SRPK3: variants seen among roughly 807,000 people sequenced by gnomAD.
The protein encoded by SRPK3 is SRSF protein kinase 3, also known as SFRS protein kinase 3.
SRPK3 carries 26 observed loss-of-function variants against 45.3 expected under a neutral mutation model. The ratio of observed to expected loss-of-function variants is 0.57; its 90% CI spans 0.42 to 0.80. SRPK3 has a LOEUF of 0.80. Ranked by LOEUF, SRPK3 falls within the 30% of genes least tolerant of loss-of-function variation. The probability of loss-of-function intolerance (pLI) is 0.00; values close to 1 mark genes in which losing one functional copy is unlikely to be tolerated. For missense variants in SRPK3, 536 were observed against 514.5 expected, an observed-to-expected ratio of 1.04 and a Z score of -0.40; for synonymous variants, 254 against 226.6, an observed-to-expected ratio of 1.12 and a Z score of -1.09.
rs375295074 is a variant in SRPK3 at position 153,784,972 on chromosome X, G to A, written c.1395G>A (p.Pro465=). 4.5e-5 allele frequency: 55 copies of A among 1,209,780 alleles called. No homozygotes were observed. Among genetic ancestry groups the A allele is most frequent in the Middle Eastern group, 2.3e-4 (1 of 4,373 alleles). ...CCACTGGTGACTACCTGTTCGAGCC[G>A]CATTCTGGAGAAGACTACAGTCGTG... The part of the protein sequence containing the change: ...ELATGDYLFE[P]HSGEDYSRDE... The change falls in exon 13 of 15, where the codon CCG becomes CCA. Residue 465 remains proline, a synonymous_variant. Transcript: ENST00000370101.
intron 5 of SRPK3, 52 bp downstream of exon 5, chrX:153,782,260 G>C (rs782261915): frequency 2.9e-6 from 3 of 1,036,428 alleles, no homozygotes; most frequent in East Asian, 6.1e-5. Context: ...GCCGGCAAAT[G>C]GGGGGGCCCT....
chrX:153,785,003 G>A lies in SRPK3; in HGVS notation c.1426G>A (p.Asp476Asn). Residue 476 changes from aspartate (D) to asparagine (N), a missense_variant and splice_region_variant, in exon 13 of 15, where the codon GAC becomes AAC. Transcript: ENST00000370101. ...HSGEDYSRDEDHIAHIVELLG... is the reference protein window; with the variant it reads ...HSGEDYSRDENHIAHIVELLG... ...TGGAGAAGACTACAGTCGTGATGAGGGTAAGGGGTGAGGGCTCTGGGCTCA... is the reference window on the plus strand; with the variant it reads ...TGGAGAAGACTACAGTCGTGATGAGAGTAAGGGGTGAGGGCTCTGGGCTCA... The A allele has an allele frequency of 8.3e-7, 1 of 1,211,305 alleles. No homozygotes were observed. The highest frequency in any genetic ancestry group is 1.8e-5 in the South Asian group (1 of 56,952).
Position 153,785,566 on chromosome X carries a change from A to C in SRPK3, c.*46A>C, listed in dbSNP as rs782114535. On this transcript the variant is annotated 3_prime_UTR_variant, in exon 15 of 15. Coordinates refer to ENST00000370101, the MANE Select transcript of SRPK3 (RefSeq NM_014370.4). ...CCAGCTCTCCGTGCCTTAAGGGAAA[A>C]GCGGGACAGCTCCCACCACCCTGCT... 1 of 1,171,726 alleles carries C rather than the reference A, an allele frequency of 8.5e-7. No homozygotes were observed. The highest frequency in any genetic ancestry group is 1.2e-6 in the Non-Finnish European group (1 of 868,370).
intron 3 of SRPK3, 21 bp from the exon 4 acceptor site, chrX:153,781,722 A>G (rs782027341): frequency 2.5e-6 from 3 of 1,210,054 alleles, no homozygotes; most frequent in East Asian, 5.9e-5. Flanking sequence ...GCCACAGCCT[A>G]CAAGGGTCTC....
intron 8 of SRPK3, 77 bp downstream of exon 8, chrX:153,783,328 G>A: frequency 1.4e-6 from 1 of 708,103 alleles, no homozygotes. Flanking sequence ...GAGCCACAGT[G>A]GCTCCACCCC....
Position 153,783,739 on chromosome X carries a change from C to G in SRPK3, c.775-13C>G, listed in dbSNP as rs2092066167. 2.5e-6 allele frequency: 3 copies of G among 1,210,359 alleles called. No homozygotes were observed. The highest frequency in any genetic ancestry group is 5.2e-4 in the Middle Eastern group (2 of 3,828). ...GGGCGACAGGAACCCTGGGGTGACC[C>G]TGGCTCTGACAGCAGACCGGTAAGC... is the stretch of plus-strand genomic sequence containing the variant. On this transcript the variant is annotated splice_polypyrimidine_tract_variant and intron_variant, in intron 8 of 14. Transcript: ENST00000370101.
At position 153,784,270 on chromosome X, in the gene SRPK3, G is replaced by A. The variant is rs371175317; in HGVS notation, c.1148-24G>A. ...GGCTGGCAGTAGTCGGACCACTTCA[G>A]TCTCCCTGCTCTGCCTTCCCCAGCA... On this transcript the variant is annotated intron_variant, in intron 10 of 14. Transcript: ENST00000370101. 4 of 1,211,206 alleles carry A rather than the reference G, an allele frequency of 3.3e-6. No homozygotes were observed. The Admixed American group carries it at 6.5e-5, about 20-fold the overall frequency.
chrX:153,784,177 A>C lies in SRPK3; in HGVS notation c.1111A>C (p.Asn371His). The change falls in exon 10 of 15, where the codon AAT (asparagine) becomes CAT (histidine). Residue 371 changes from asparagine (N) to histidine (H), a missense_variant. Transcript: ENST00000370101. ...CTGCTCCATCCTCTCCGGCTCGTCC[A>C]ATCAGCGAGAGACCGGGGGCCTCCT... ...ASCSILSGSSNQRETGGLLSP... is the reference protein window; with the variant it reads ...ASCSILSGSSHQRETGGLLSP... 1.7e-6 allele frequency: 2 copies of C among 1,210,879 alleles called. No individual in the cohort carries two copies. The highest frequency in any genetic ancestry group is 2.3e-4 in the Middle Eastern group (1 of 4,351).
rs1557066568 is a variant in SRPK3 at position 153,781,051 on chromosome X, G to A, written c.-36G>A. The A allele has an allele frequency of 2.9e-6, 3 of 1,034,605 alleles. No homozygotes were observed. The highest frequency in any genetic ancestry group is 5.2e-5 in the Admixed American group (1 of 19,315). 85.3% of individuals were successfully genotyped at this position (1,034,605 alleles called of 1,213,427 possible). On this transcript the variant is annotated 5_prime_UTR_variant, in exon 1 of 15. Coordinates refer to ENST00000370101, the MANE Select transcript of SRPK3 (RefSeq NM_014370.4). ...GCGGCCGGGCCCCACAGGAGCAGCC[G>A]CCCGGGGCACCGGAGCTGCGGGCTG...
Position 153,781,952 on chromosome X carries a change from G to C in SRPK3, c.387+122G>C, listed in dbSNP as rs782541458. The C allele has an allele frequency of 5.4e-5, 51 of 945,505 alleles. No homozygotes were observed. The African/African-American group carries it at 8.1e-4, about 15-fold the overall frequency. 77.9% of individuals were successfully genotyped at this position (945,505 alleles called of 1,213,427 possible). Reference sequence around the variant, plus strand: ...GGGGCTCCCTGAGGGGCAGCCTCCAGCTGGCTGTGCCCAAGGGGGAGGATC... The same window carrying C: ...GGGGCTCCCTGAGGGGCAGCCTCCACCTGGCTGTGCCCAAGGGGGAGGATC... On this transcript the variant is annotated intron_variant, in intron 4 of 14. Coordinates refer to ENST00000370101, the MANE Select transcript of SRPK3 (RefSeq NM_014370.4).
Position 153,781,103 on chromosome X carries a change from G to C in SRPK3, c.17G>C (p.Gly6Ala). 11 of 1,118,823 alleles carry C rather than the reference G, an allele frequency of 9.8e-6. No individual in the cohort carries two copies. Among genetic ancestry groups the C allele is most frequent in the Non-Finnish European group, 1.3e-5 (11 of 852,052 alleles). 92.2% of individuals were successfully genotyped at this position (1,118,823 alleles called of 1,213,427 possible). The change falls in exon 1 of 15, where the codon GGC becomes GCC. Residue 6 changes from glycine (G) to alanine (A), a missense_variant. Coordinates refer to ENST00000370101, the MANE Select transcript of SRPK3 (RefSeq NM_014370.4). Reference sequence around the variant, plus strand: ...GTGGCCGGGATGAGCGCCAGCACGGGCGGTGGTGGGGACAGCGGCGGCAGC... The same window carrying C: ...GTGGCCGGGATGAGCGCCAGCACGGCCGGTGGTGGGGACAGCGGCGGCAGC... MSAST[G>A]GGGDSGGSGG...
chrX:153,781,686 T>C, intron 3 of SRPK3, 57 bp from the exon 4 acceptor site: 3 of 1,203,976 alleles, frequency 2.5e-6, no homozygotes, highest in African/African-American at 3.5e-5. Context: ...GGGGCCACCC[T>C]GATCCCCGCC....
intron 11 of SRPK3, 90 bp downstream of exon 11, chrX:153,784,484 C>T: frequency 3.0e-6 from 3 of 1,015,446 alleles, no homozygotes; most frequent in Non-Finnish European, 2.7e-6. Context: ...CCCCAGTCTG[C>T]AGTGCACGTG....
rs112997624 is a variant in SRPK3, at chrX:153,785,035, C to T, written c.1426+32C>T. ...GGTGAGGGCTCTGGGCTCAGCCTCC[C>T]GGCCTCCCGGCCTGCCTGCCCCCAA... On this transcript the variant is annotated intron_variant, in intron 13 of 14. Transcript: ENST00000370101. 395 of 1,209,859 alleles carry T rather than the reference C, an allele frequency of 3.3e-4. 1 individual carries two copies. In the African/African-American group the frequency reaches 5.8e-3, roughly 18 times the overall value.
chrX:153,785,668 G>C lies in SRPK3; in HGVS notation c.*148G>C. 1 of 834,073 alleles carries C rather than the reference G, an allele frequency of 1.2e-6. No individual in the cohort carries two copies. The highest frequency in any genetic ancestry group is 2.5e-5 in the South Asian group (1 of 40,160). 68.7% of individuals were successfully genotyped at this position (834,073 alleles called of 1,213,427 possible). A position where few individuals can be genotyped will look rare whatever the true frequency, so the allele number is the denominator to read the frequency against. On this transcript the variant is annotated 3_prime_UTR_variant, in exon 15 of 15. Coordinates refer to ENST00000370101, the MANE Select transcript of SRPK3 (RefSeq NM_014370.4). ...GGCTCTCAGAGCGTGTTCTGCCTGA[G>C]ACCCCCGTGAGGGCTCTCGGAGAAA... is the stretch of plus-strand genomic sequence containing the variant.
intron 12 of SRPK3, 23 bp downstream of exon 12, chrX:153,784,880 G>T (rs1412814740): frequency 8.3e-7 from 1 of 1,209,205 alleles, no homozygotes; most frequent in Non-Finnish European, 1.1e-6. Flanking sequence ...GGGCTGCCCT[G>T]TGCCCAGGGC....
chrX:153,784,723 C>T (rs781882688), intron 11 of SRPK3, 27 bp from the exon 12 acceptor site: 323 of 1,167,483 alleles, frequency 2.8e-4, no homozygotes, highest in Non-Finnish European at 3.4e-4. Context: ...GGCCCCAGCC[C>T]GTCCCCAGGG....
In SRPK3 at chrX:153,782,825, A is replaced by G. The variant is rs1557067350; in HGVS notation, c.529A>G (p.Lys177Glu). The G allele has an allele frequency of 8.3e-7, 1 of 1,211,015 alleles. No individual in the cohort carries two copies. Among genetic ancestry groups the G allele is most frequent in the East Asian group, 3.0e-5 (1 of 33,826 alleles). The part of the protein sequence containing the change: ...LGHQLLKWII[K>E]SNYQGLPVPC... Reference sequence around the variant, plus strand: ...CCACCAGCTCCTCAAATGGATCATCAAGTCCAACTACCAGGGCCTGCCCGT... The same window carrying G: ...CCACCAGCTCCTCAAATGGATCATCGAGTCCAACTACCAGGGCCTGCCCGT... Residue 177 changes from lysine to glutamate, a missense_variant, in exon 6 of 15, where the codon AAG becomes GAG. Coordinates refer to ENST00000370101, the MANE Select transcript of SRPK3 (RefSeq NM_014370.4).
In SRPK3 at chrX:153,782,111, T is replaced by C. The variant is rs1463288708; in HGVS notation, c.388-10T>C. On this transcript the variant is annotated splice_polypyrimidine_tract_variant and intron_variant, in intron 4 of 14. Transcript: ENST00000370101. ...TGGAACCATCTGTGGCCCCTTGGCT[T>C]TTGCTCCAGGTCCGGGACAGCGACC... 8.3e-7 allele frequency: 1 copy of C among 1,207,495 alleles called. No homozygotes were observed. Among genetic ancestry groups the C allele is most frequent in the Non-Finnish European group, 1.1e-6 (1 of 892,980 alleles).
Sources: allele counts gnomAD v4.1 joint callset, GRCh38; gene constraint gnomAD v4.1.1; transcripts MANE v1.5; gene names NCBI Gene and HGNC (gene_info 2026-07-23, HGNC 2026-07-21).